SVEP1: variants seen among roughly 807,000 people sequenced by gnomAD.
SVEP1 encodes the protein sushi, von Willebrand factor type A, EGF and pentraxin domain containing 1, also known as sushi, von Willebrand factor type A, EGF and pentraxin domain-containing protein 1.
Under a neutral mutation model 367.3 loss-of-function variants are expected in SVEP1, and 164 were observed. That is an observed-to-expected ratio of 0.45 (90% confidence interval 0.39 to 0.51). The LOEUF is 0.51. Ranked by LOEUF, SVEP1 falls within the 20% of genes least tolerant of loss-of-function variation. SVEP1 has a pLI of 0.00. For synonymous variants in SVEP1, 1,666 were observed against 1,611.6 expected (o/e 1.03, Z -0.81); for missense variants, 4,117 against 4,425.3 (o/e 0.93, Z 1.98).
chr9:110,553,894 TA>T (rs1830322621), intron 1 of SVEP1, among the ~76,000 whole-genome samples: 1 of 152,180 alleles, frequency 6.6e-6, no homozygotes, highest in African/African-American at 2.4e-5. Flanking sequence ...TATCTTGCTT[TA>T]AAAAGTTTCC....
chr9:110,371,566 C>T (rs1165247370), intron 46 of SVEP1, among the ~76,000 whole-genome samples: 1 of 151,932 alleles, frequency 6.6e-6, no homozygotes, highest in African/African-American at 2.4e-5. Flanking sequence ...TTATCACTCC[C>T]CTTGTATGTT....
chr9:110,468,741 G>C (rs896055316), intron 17 of SVEP1, among the ~76,000 whole-genome samples, 199 bp downstream of exon 17: 1 of 152,182 alleles, frequency 6.6e-6, no homozygotes, highest in Non-Finnish European at 1.5e-5. Context: ...AGGTTTCCCT[G>C]ATTCATTTCT....
chr9:110,468,396 C>T (rs1828969347), intron 17 of SVEP1, among the ~76,000 whole-genome samples: 1 of 152,308 alleles, frequency 6.6e-6, no homozygotes, highest in East Asian at 1.9e-4. Context: ...TCATACCTTG[C>T]CTTGGCATAC....
At chr9:110,550,145 C>T in intron 1 of SVEP1, 41 bp from the exon 2 acceptor site, 1 of 1,607,032 alleles carries the variant, frequency 6.2e-7, no homozygotes. Context: ...TGTGTACTGT[C>T]TTGCCTACTG....
rs144712744 is a variant in SVEP1, at chr9:110,387,443, G to A, written c.9902C>T (p.Thr3301Ile). ...TTTCCCATTGAGAAATTCAAGTGGA[G>A]TTTCACACCTGGTCTCTAAAAACAA... Reference protein sequence around the residue: ...VAICKETRCETPLEFLNGKAD... With the variant: ...VAICKETRCEIPLEFLNGKAD... Residue 3301 changes from threonine (T) to isoleucine (I), a missense_variant, in exon 42 of 48, where the codon ACT becomes ATT. Thr to Ile is a moderately conservative substitution (Grantham distance 89). Around this residue, in one of 4 missense-constraint regions of SVEP1, gnomAD observed 1,765 missense variants for 1,781.1 expected, o/e 0.99. Transcript: ENST00000374469. 1 of 1,608,418 alleles carries A rather than the reference G, an allele frequency of 6.2e-7. No homozygotes were observed. Among genetic ancestry groups the A allele is most frequent in the African/African-American group, 1.3e-5 (1 of 74,364 alleles).
chr9:110,508,777 AAAAAAAG>A (rs1829666182), intron 5 of SVEP1, among the ~76,000 whole-genome samples: 1 of 144,602 alleles, frequency 6.9e-6, no homozygotes, highest in Non-Finnish European at 1.5e-5. Context: ...AAAAAAAAAA[AAAAAAAG>A]AAAGAAAGAA....
intron 3 of SVEP1, among the ~76,000 whole-genome samples, chr9:110,530,139 T>C (rs1829999038): frequency 6.6e-6 from 1 of 152,224 alleles, no homozygotes; most frequent in Non-Finnish European, 1.5e-5. Context: ...TTTAGTTTTG[T>C]GTATGTACTG....
At chr9:110,411,018 G>A (rs1211320875) in intron 37 of SVEP1, 45 bp downstream of exon 37, 4 of 1,484,330 alleles carry the variant, frequency 2.7e-6, no homozygotes, top group Non-Finnish European at 3.6e-6. Context: ...TTTATTATGG[G>A]CCCTGTGACA....
At chr9:110,437,359 C>T (rs1828445767) in intron 27 of SVEP1, among the ~76,000 whole-genome samples, 1 of 152,204 alleles carries the variant, frequency 6.6e-6, no homozygotes, top group South Asian at 2.1e-4. Flanking sequence ...CCATCCCTTA[C>T]AACCATCTGT....
At chr9:110,387,534 G>GATATTTCATGGAAT in intron 41 of SVEP1, 76 bp from the exon 42 acceptor site, 1 of 1,388,790 alleles carries the variant, frequency 7.2e-7, no homozygotes, top group Non-Finnish European at 9.6e-7. Flanking sequence ...GATTGCCAAA[G>GATATTTCATGGAAT]ATATTTCATG....
chr9:110,472,651 GC>G (rs1829038704), intron 14 of SVEP1, among the ~76,000 whole-genome samples: 1 of 152,128 alleles, frequency 6.6e-6, no homozygotes, highest in Non-Finnish European at 1.5e-5. Flanking sequence ...AGAGCTGGGT[GC>G]AAAATTCTAG....
intron 13 of SVEP1, among the ~76,000 whole-genome samples, chr9:110,479,352 A>G (rs115435355): frequency 0.028 from 4,282 of 152,222 alleles, 188 homozygotes; most frequent in African/African-American, 0.098. Context: ...AATGTTTGGC[A>G]TTTTTGTCAA....
At chr9:110,556,144 A>C (rs1830354860) in intron 1 of SVEP1, among the ~76,000 whole-genome samples, 1 of 152,218 alleles carries the variant, frequency 6.6e-6, no homozygotes, top group South Asian at 2.1e-4. Flanking sequence ...GCTTGTATAA[A>C]TATCTGGCAG....
At position 110,579,601 on chromosome 9, in the gene SVEP1, G is replaced by A; in HGVS notation, c.-58C>T. On this transcript the variant is annotated 5_prime_UTR_variant, in exon 1 of 48. Coordinates refer to ENST00000374469, the MANE Select transcript of SVEP1 (RefSeq NM_153366.4). This position sits in a 1 kb window ranked among gnomAD's most constrained non-coding sequence, Gnocchi z 5.3. ...CAGGCGGCGGCTCGGGCGGGAAGAGGCGCTGGGCGGCCGGACTCGCAGAGG... is the reference window on the plus strand; with the variant it reads ...CAGGCGGCGGCTCGGGCGGGAAGAGACGCTGGGCGGCCGGACTCGCAGAGG... 1.8e-5 allele frequency: 26 copies of A among 1,476,502 alleles called. No homozygotes were observed. In the South Asian group the frequency reaches 3.1e-4, roughly 18 times the overall value. The allele number at this position is 1,476,502 out of a possible 1,614,324, so 91.5% of individuals were successfully genotyped here.
At chr9:110,533,389 G>A (rs1343822642) in intron 3 of SVEP1, among the ~76,000 whole-genome samples, 1 of 152,152 alleles carries the variant, frequency 6.6e-6, no homozygotes, top group Non-Finnish European at 1.5e-5. Context: ...TCATAGAGAT[G>A]AAAAACTGCC....
intron 12 of SVEP1, among the ~76,000 whole-genome samples, chr9:110,481,009 A>AT (rs1829178498): frequency 6.6e-6 from 1 of 152,216 alleles, no homozygotes; most frequent in African/African-American, 2.4e-5. Context: ...GAGAGGGCTC[A>AT]GATGGTTCTG....
chr9:110,414,273 C>G (rs916391110), intron 36 of SVEP1, among the ~76,000 whole-genome samples: 1 of 151,920 alleles, frequency 6.6e-6, no homozygotes, highest in Non-Finnish European at 1.5e-5. Flanking sequence ...TTCCTTCATC[C>G]TAACTGACAA....
chr9:110,409,073 G>T, intron 37 of SVEP1, 122 bp from the exon 38 acceptor site: 1 of 1,079,640 alleles, frequency 9.3e-7, no homozygotes, highest in Non-Finnish European at 1.3e-6. Flanking sequence ...TAGGAAGTAA[G>T]CAAATAATGA....
rs556622922 is a variant in SVEP1 at position 110,491,918 on chromosome 9, T to A, written c.1801-2139A>T. Among the ~76,000 whole-genome samples the A allele has an allele frequency of 1.2e-4, 18 of 152,210 alleles. No individual in the cohort carries two copies. The East Asian group carries it at 3.3e-3, about 28-fold the overall frequency. On this transcript the variant is annotated intron_variant, in intron 8 of 47. Coordinates refer to ENST00000374469, the MANE Select transcript of SVEP1 (RefSeq NM_153366.4). Reference sequence around the variant, plus strand: ...AGGACTCTTGATGTACCAAAGTTGATAAAGAACAATCATCACTTAAACAAA... The same window carrying A: ...AGGACTCTTGATGTACCAAAGTTGAAAAAGAACAATCATCACTTAAACAAA...
Sources: allele counts gnomAD v4.1 joint callset (sites outside exome capture counted in the v4.1 genomes callset), GRCh38; gene constraint gnomAD v4.1.1; regional missense constraint gnomAD v4.1.1; non-coding constraint Gnocchi (gnomAD v3.1); transcripts MANE v1.5; gene names NCBI Gene and HGNC (gene_info 2026-07-23, HGNC 2026-07-21).